PSG4: variants seen among roughly 807,000 people sequenced by gnomAD.
PSG4 encodes pregnancy specific beta-1-glycoprotein 4.
In PSG4, 61 loss-of-function variants were observed where a neutral mutation model predicts 44.3. The ratio of observed to expected loss-of-function variants is 1.38; its 90% CI spans 1.12 to 1.70. The LOEUF is 1.70. PSG4 is among the 40% of genes most tolerant of loss of function. The probability of loss-of-function intolerance (pLI) is 0.00; values close to 1 mark genes in which losing one functional copy is unlikely to be tolerated. For missense variants in PSG4, 677 were observed against 511.7 expected (o/e 1.32, Z -3.12); for synonymous variants, 248 against 191.3 (o/e 1.30, Z -2.45).
In PSG4 at chr19:43,192,946, G is replaced by T. The variant is rs144106909; in HGVS notation, c.*426C>A. ...ATGGAGAGAGCCACATTTCCCCTGAGATGTTACGTAAAAGTTTGAGGTTGA... is the reference window on the plus strand; with the variant it reads ...ATGGAGAGAGCCACATTTCCCCTGATATGTTACGTAAAAGTTTGAGGTTGA... On this transcript the variant is annotated 3_prime_UTR_variant, in exon 6 of 6. Transcript: ENST00000405312. 45 of 440,720 alleles carry T rather than the reference G, an allele frequency of 1.0e-4. No individual in the cohort carries two copies. In the East Asian group the frequency reaches 1.5e-3, roughly 14 times the overall value. The allele number at this position is 440,720 out of a possible 1,614,324, so 27.3% of individuals were successfully genotyped here. A position where few individuals can be genotyped will look rare whatever the true frequency, so the allele number is the denominator to read the frequency against.
At chr19:43,200,932 T>G (rs1346923945) in intron 2 of PSG4, among the ~76,000 whole-genome samples, 1 of 145,808 alleles carries the variant, frequency 6.9e-6, no homozygotes, top group Non-Finnish European at 1.5e-5. Context: ...AGTCACAAAT[T>G]TTAAGCTTGT....
chr19:43,196,366 G>A lies in PSG4; in HGVS notation c.710-1093C>T, dbSNP rs992542433. On this transcript the variant is annotated intron_variant, in intron 3 of 5. Coordinates refer to ENST00000405312, the MANE Select transcript of PSG4 (RefSeq NM_002780.5). ...TTCATGGGTGTGCAGTTTCAGTTAT[G>A]CAAGGTGGGGAGGTTCTGGAGATCT... 5.3e-5 allele frequency: 8 copies of A among 151,648 alleles called. 2 individuals are homozygous for A. Among genetic ancestry groups the A allele is most frequent in the Non-Finnish European group, 1.2e-4 (8 of 67,940 alleles). The allele number at this position is 151,648 out of a possible 1,614,324, so 9.4% of individuals were successfully genotyped here. A position where few individuals can be genotyped will look rare whatever the true frequency, so the allele number is the denominator to read the frequency against.
rs757353174 is a variant in PSG4, at chr19:43,205,524, A to G, written c.13T>C (p.Ser5Pro). 11 of 1,555,446 alleles carry G rather than the reference A, an allele frequency of 7.1e-6. 1 individual carries two copies. The highest frequency in any genetic ancestry group is 3.4e-5 in the South Asian group (3 of 89,300). Residue 5 changes from serine (S) to proline (P), a missense_variant, in exon 1 of 6, where the codon TCA (serine) becomes CCA (proline). Physicochemically the swap from Ser to Pro is moderately conservative, Grantham distance 74 (BLOSUM62 -1). Coordinates refer to ENST00000405312, the MANE Select transcript of PSG4 (RefSeq NM_002780.5). ...ATGCGCTGTGTGCAGGGAGGGGCTG[A>G]GAGGGGCCCCATGGTCTCTGCTGCT... MGPLSAPPCTQRITW... is the reference protein window; with the variant it reads MGPLPAPPCTQRITW...
At chr19:43,195,566 T>C (rs1247769223) in intron 3 of PSG4, among the ~76,000 whole-genome samples, 1 of 151,258 alleles carries the variant, frequency 6.6e-6, no homozygotes, top group Non-Finnish European at 1.5e-5. Context: ...CCCCTCCCAG[T>C]CCCTCCCTAA....
rs1038286761 is a variant in PSG4 at position 43,198,370 on chromosome 19, C to T, written c.431-95G>A. ...AGAGTTGGCATTTCCCACCTCTCAG[C>T]CCACCCAAGTCCTTAAAAGCCCATG... On this transcript the variant is annotated intron_variant, in intron 2 of 5. Coordinates refer to ENST00000405312, the MANE Select transcript of PSG4 (RefSeq NM_002780.5). 3.3e-6 allele frequency: 5 copies of T among 1,495,518 alleles called. 1 individual carries two copies. In the Admixed American group the frequency reaches 8.2e-5, roughly 25 times the overall value. The allele number at this position is 1,495,518 out of a possible 1,614,324, so 92.6% of individuals were successfully genotyped here. A position where few individuals can be genotyped will look rare whatever the true frequency, so the allele number is the denominator to read the frequency against.
intron 4 of PSG4, 127 bp downstream of exon 4, chr19:43,194,868 T>A: frequency 1.3e-6 from 2 of 1,528,740 alleles, no homozygotes; most frequent in Admixed American, 4.2e-5. Context: ...CAGGGAGTCA[T>A]GGCCACCTCG....
chr19:43,203,963 C>A lies in PSG4; in HGVS notation c.353G>T (p.Gly118Val), dbSNP rs1190116989. ...CTTTATGATGTGTAAGGTGTAGGAT[C>A]CTGCATCCTCCTGCGTGACATTCTG... ...LIQNVTQEDAGSYTLHIIKRR... is the reference protein window; with the variant it reads ...LIQNVTQEDAVSYTLHIIKRR... The change falls in exon 2 of 6, where the codon GGA (glycine) becomes GTA (valine). Residue 118 changes from glycine (G) to valine (V), a missense_variant. Gly to Val is a moderately radical substitution (Grantham distance 109). Coordinates refer to ENST00000405312, the MANE Select transcript of PSG4 (RefSeq NM_002780.5). The A allele has an allele frequency of 1.3e-6, 2 of 1,587,368 alleles. No homozygotes were observed. Among genetic ancestry groups the A allele is most frequent in the South Asian group, 2.2e-5 (2 of 89,938 alleles).
intron 2 of PSG4, among the ~76,000 whole-genome samples, chr19:43,200,368 C>T (rs2122340769): frequency 1.1e-5 from 1 of 87,134 alleles, no homozygotes; most frequent in South Asian, 4.3e-4. Context: ...TTGTAGTTGT[C>T]CCACAACTAC....
chr19:43,200,208 G>C (rs189021918), intron 2 of PSG4, among the ~76,000 whole-genome samples: 1 of 144,652 alleles, frequency 6.9e-6, no homozygotes, highest in Non-Finnish European at 1.5e-5. Flanking sequence ...GTCTGCCCAC[G>C]TGAAGAAATC....
chr19:43,201,813 A>G (rs1967522573), intron 2 of PSG4, among the ~76,000 whole-genome samples: 1 of 124,484 alleles, frequency 8.0e-6, no homozygotes, highest in Non-Finnish European at 1.7e-5. Context: ...CAACATTTCA[A>G]TAATTTTGTG....
intron 5 of PSG4, chr19:43,194,019 T>C (rs1485705325): frequency 1.1e-5 from 11 of 984,042 alleles, no homozygotes; most frequent in Non-Finnish European, 1.7e-5. Context: ...ATTCCATAAA[T>C]CTAGAAAACA....
At chr19:43,205,132 G>C (rs1387616176) in intron 1 of PSG4, among the ~76,000 whole-genome samples, 1 of 24,506 alleles carries the variant, frequency 4.1e-5, no homozygotes, top group Non-Finnish European at 8.0e-5. Context: ...TTTTGAGACG[G>C]AGTCTCGTCC....
chr19:43,194,183 T>G, intron 5 of PSG4, 157 bp downstream of exon 5: 2 of 1,538,920 alleles, frequency 1.3e-6, no homozygotes, highest in Admixed American at 4.1e-5. Context: ...GTTTTGGAAG[T>G]TCTTAGACAA....
chr19:43,194,490 A>T lies in PSG4; in HGVS notation c.1093T>A (p.Ser365Thr), dbSNP rs1370949467. The T allele has an allele frequency of 1.2e-5, 20 of 1,612,396 alleles. No homozygotes were observed. The highest frequency in any genetic ancestry group is 1.7e-5 in the Non-Finnish European group (20 of 1,179,148). Residue 365 changes from serine to threonine, a missense_variant, in exon 5 of 6, where the codon TCT (serine) becomes ACT (threonine). Physicochemically the swap from Ser to Thr is moderately conservative, Grantham distance 58. Coordinates refer to ENST00000405312, the MANE Select transcript of PSG4 (RefSeq NM_002780.5). ...TGAAACTTCCCATTAATTGTCCAAG[A>T]ATATTGTGCCCGTGGGTTAGACTCG... ...FAESNPRAQY[S>T]WTINGKFQLS... is the part of the protein sequence containing the mutation.
In PSG4 at chr19:43,198,846, G is replaced by C. The variant is rs1047938724; in HGVS notation, c.431-571C>G. The C allele has an allele frequency of 1.0e-4, 15 of 149,316 alleles. 1 individual carries two copies. The highest frequency in any genetic ancestry group is 1.8e-4 in the African/African-American group (7 of 37,974). 9.2% of individuals were successfully genotyped at this position (149,316 alleles called of 1,614,324 possible). A position where few individuals can be genotyped will look rare whatever the true frequency, so the allele number is the denominator to read the frequency against. On this transcript the variant is annotated intron_variant, in intron 2 of 5. Transcript: ENST00000405312. ...AGGTCAGTTCAGTCATCAGGCAGTG[G>C]AGCCACAAGGTGGCGCAGTTTTCCC...
In PSG4 at chr19:43,205,131, G is replaced by A. The variant is rs1161834751; in HGVS notation, c.64+342C>T. On this transcript the variant is annotated intron_variant, in intron 1 of 5. Transcript: ENST00000405312. ...TTTTTCTTTTTTTTTTTTTTGAGAC[G>A]GAGTCTCGTCCTGTCACCCAGGCTG... is the stretch of plus-strand genomic sequence containing the variant. 8.7e-4 allele frequency among the ~76,000 whole-genome samples: 20 copies of A among 22,908 alleles called. 4 individuals carry two copies. Among genetic ancestry groups the A allele is most frequent in the African/African-American group, 4.0e-3 (18 of 4,446 alleles). 15.0% of individuals were successfully genotyped at this position (22,908 alleles called of 152,430 possible). A position where few individuals can be genotyped will look rare whatever the true frequency, so the allele number is the denominator to read the frequency against.
chr19:43,195,196 C>A lies in PSG4; in HGVS notation c.787G>T (p.Glu263Ter). The A allele has an allele frequency of 6.2e-7, 1 of 1,610,194 alleles. No individual in the cohort carries two copies. The highest frequency in any genetic ancestry group is 1.1e-5 in the South Asian group (1 of 90,914). Residue 263 changes from glutamate (E) to a stop codon, truncating the protein, a stop_gained, in exon 4 of 6, where the codon GAA becomes TAA. Transcript: ENST00000405312. LOFTEE classifies it high-confidence loss of function. Reference protein sequence around the residue: ...ENKDVLTFTCEPKSKNYTYIW... With the variant: ...ENKDVLTFTC ...TAGGTGTAGTTCTTACTCTTAGGTT[C>A]ACAGGTGAAGGTTAAGACATCCTTA...
At position 43,200,455 on chromosome 19, in the gene PSG4, C is replaced by T. The variant is rs188991610; in HGVS notation, c.431-2180G>A. Among the ~76,000 whole-genome samples the T allele has an allele frequency of 2.1e-5, 3 of 145,350 alleles. 1 individual carries two copies. In the East Asian group the frequency reaches 7.1e-4, roughly 34 times the overall value. On this transcript the variant is annotated intron_variant, in intron 2 of 5. Coordinates refer to ENST00000405312, the MANE Select transcript of PSG4 (RefSeq NM_002780.5). Reference sequence around the variant, plus strand: ...ATGTTGTTCCACTTTTTTTTCCCCACCCTTTTTGAACTTTCCTGTTTCAGT... The same window carrying T: ...ATGTTGTTCCACTTTTTTTTCCCCATCCTTTTTGAACTTTCCTGTTTCAGT...
Position 43,200,664 on chromosome 19 carries a change from C to T in PSG4, c.431-2389G>A, listed in dbSNP as rs113816929. On this transcript the variant is annotated intron_variant, in intron 2 of 5. Transcript: ENST00000405312. ...GATCTCAGCTCACTGCAAGCTCCACCTCCTGGGTTCATGCCATTCTCCTGC... is the reference window on the plus strand; with the variant it reads ...GATCTCAGCTCACTGCAAGCTCCACTTCCTGGGTTCATGCCATTCTCCTGC... Among the ~76,000 whole-genome samples the T allele has an allele frequency of 2.1e-3, 303 of 145,532 alleles. 49 individuals are homozygous for T. The highest frequency in any genetic ancestry group is 7.5e-3 in the African/African-American group (284 of 38,004).
Sources: allele counts gnomAD v4.1 joint callset (sites outside exome capture counted in the v4.1 genomes callset), GRCh38; gene constraint gnomAD v4.1.1; transcripts MANE v1.5; gene names NCBI Gene and HGNC (gene_info 2026-07-23, HGNC 2026-07-21).